CADPS2: variants seen among roughly 807,000 people sequenced by gnomAD.
The protein encoded by CADPS2 is calcium dependent secretion activator 2.
Under a neutral mutation model 172.5 loss-of-function variants are expected in CADPS2, and 93 were observed. That is an observed-to-expected ratio of 0.54 (90% CI 0.46 to 0.64). The LOEUF is 0.64. Ranked by LOEUF, CADPS2 falls within the 30% of genes least tolerant of loss-of-function variation. The pLI, the probability that CADPS2 is intolerant of heterozygous loss-of-function variation, is 0.00. For missense variants in CADPS2, 1,420 were observed against 1,565.9 expected, an observed-to-expected ratio of 0.91 and a Z score of 1.57; for synonymous variants, 546 against 555.2, an observed-to-expected ratio of 0.98 and a Z score of 0.23.
chr7:122,518,001 A>T (rs1200862451), intron 8 of CADPS2, among the ~76,000 whole-genome samples: 1 of 151,576 alleles, frequency 6.6e-6, no homozygotes, highest in Non-Finnish European at 1.5e-5. Context: ...TGTTGTTATG[A>T]TTTTTTTTAT....
At chr7:122,352,312 G>A (rs2038791176) in intron 27 of CADPS2, among the ~76,000 whole-genome samples, 1 of 152,146 alleles carries the variant, frequency 6.6e-6, no homozygotes. Flanking sequence ...AATACTACAT[G>A]AGGACTTGAA....
chr7:122,483,296 TAGC>T (rs764548387), intron 11 of CADPS2, among the ~76,000 whole-genome samples: 47 of 152,168 alleles, frequency 3.1e-4, no homozygotes, highest in Non-Finnish European at 5.6e-4. Context: ...AAAACCAAAA[TAGC>T]AGCACATTTC....
chr7:122,530,723 TTC>T (rs2061683964), intron 8 of CADPS2, among the ~76,000 whole-genome samples: 1 of 152,206 alleles, frequency 6.6e-6, no homozygotes, highest in African/African-American at 2.4e-5. Flanking sequence ...TATTTATACT[TTC>T]TGACTTTGCT....
At chr7:122,730,620 G>C (rs2091546483) in intron 2 of CADPS2, among the ~76,000 whole-genome samples, 1 of 151,594 alleles carries the variant, frequency 6.6e-6, no homozygotes, top group African/African-American at 2.4e-5. Flanking sequence ...TGATATTAAA[G>C]TATGCTAATG....
At chr7:122,820,545 TTTTGTTTTTTG>T (rs1802872921) in intron 1 of CADPS2, among the ~76,000 whole-genome samples, 3 of 130,578 alleles carry the variant, frequency 2.3e-5, no homozygotes, top group African/African-American at 9.8e-5. Context: ...CCTTACTGTT[TTTTGTTTTTTG>T]TTTTTTTTTT....
intron 2 of CADPS2, among the ~76,000 whole-genome samples, chr7:122,722,153 A>G (rs1349251325): frequency 6.6e-6 from 1 of 152,060 alleles, no homozygotes; most frequent in Non-Finnish European, 1.5e-5. Flanking sequence ...GCCCTCTCTC[A>G]CCACTCCTAT....
chr7:122,409,057 T>C (rs1030992298), intron 19 of CADPS2, among the ~76,000 whole-genome samples: 2 of 152,216 alleles, frequency 1.3e-5, no homozygotes, highest in Admixed American at 1.3e-4. Context: ...ATGGTATGCA[T>C]GATGAAAATT....
At chr7:122,634,371 T>C (rs2076856468) in intron 3 of CADPS2, among the ~76,000 whole-genome samples, 1 of 152,168 alleles carries the variant, frequency 6.6e-6, no homozygotes, top group African/African-American at 2.4e-5. Context: ...TCTGTTCAGG[T>C]TTTCACTTCC....
At chr7:122,749,485 T>C (rs1282389322) in intron 1 of CADPS2, among the ~76,000 whole-genome samples, 2 of 152,078 alleles carry the variant, frequency 1.3e-5, no homozygotes, top group African/African-American at 2.4e-5. Flanking sequence ...AATAGCTAAC[T>C]TGACATTTCC....
At chr7:122,585,935 A>G (rs1404728969) in intron 6 of CADPS2, among the ~76,000 whole-genome samples, 20 of 151,984 alleles carry the variant, frequency 1.3e-4, no homozygotes, top group Admixed American at 1.3e-3. Flanking sequence ...CTAAGGACTT[A>G]TCCTATCAAA....
chr7:122,609,141 T>C (rs962515493), intron 6 of CADPS2, among the ~76,000 whole-genome samples: 1 of 152,158 alleles, frequency 6.6e-6, no homozygotes, highest in Non-Finnish European at 1.5e-5. Context: ...TCACCTTCCA[T>C]AGGGTATTAC....
intron 1 of CADPS2, among the ~76,000 whole-genome samples, chr7:122,817,837 T>A: frequency 6.6e-6 from 1 of 150,728 alleles, no homozygotes; most frequent in South Asian, 2.1e-4. Context: ...CTCTTATATC[T>A]CTGCACCCCA....
In CADPS2 at chr7:122,840,199, T is replaced by C. The variant is rs1004990890; in HGVS notation, c.339+45800A>G. Among the ~76,000 whole-genome samples, 7 of 152,228 alleles carry C rather than the reference T, an allele frequency of 4.6e-5. No homozygotes were observed. In the South Asian group the frequency reaches 1.5e-3, roughly 32 times the overall value. ...CAAGGACAGAAAACCAAATACCGCATGTTCTCACTCATAGGTGGGAATTGA... is the reference window on the plus strand; with the variant it reads ...CAAGGACAGAAAACCAAATACCGCACGTTCTCACTCATAGGTGGGAATTGA... On this transcript the variant is annotated intron_variant, in intron 1 of 29. Transcript: ENST00000449022.
At chr7:122,609,836 C>G (rs2074068312) in intron 6 of CADPS2, among the ~76,000 whole-genome samples, 1 of 152,150 alleles carries the variant, frequency 6.6e-6, no homozygotes, top group Non-Finnish European at 1.5e-5. Context: ...AAAGCACAAA[C>G]TGTTGAAGCA....
chr7:122,466,550 T>G (rs1405541452), intron 14 of CADPS2, among the ~76,000 whole-genome samples: 1 of 152,210 alleles, frequency 6.6e-6, no homozygotes, highest in Non-Finnish European at 1.5e-5. Flanking sequence ...TTCTCCTGAT[T>G]GAAACCTGTT....
rs1586516499 is a variant in CADPS2 at position 122,483,739 on chromosome 7, A to G, written c.1853-2879T>C. Among the ~76,000 whole-genome samples, 5 of 152,284 alleles carry G rather than the reference A, an allele frequency of 3.3e-5. 1 individual carries two copies. Among genetic ancestry groups the G allele is most frequent in the Admixed American group, 3.3e-4 (5 of 15,294 alleles). On this transcript the variant is annotated intron_variant, in intron 11 of 29. Transcript: ENST00000449022. ...AAGAGAGGAGAAATAGAAGTTTACT[A>G]TTGTAAAGTGTGCATACTATACATG...
At chr7:122,778,615 C>T (rs192881761) in intron 1 of CADPS2, among the ~76,000 whole-genome samples, 5 of 152,310 alleles carry the variant, frequency 3.3e-5, no homozygotes, top group East Asian at 3.9e-4. Flanking sequence ...GGACTTGGTG[C>T]CCTGTGTCCC....
At chr7:122,645,306 T>C (rs1394201372) in intron 3 of CADPS2, among the ~76,000 whole-genome samples, 4 of 135,040 alleles carry the variant, frequency 3.0e-5, no homozygotes, top group Admixed American at 7.5e-5. Flanking sequence ...TACACATATG[T>C]ACATGTGTGT....
At chr7:122,402,524 C>A (rs935680634) in intron 20 of CADPS2, among the ~76,000 whole-genome samples, 9 of 152,106 alleles carry the variant, frequency 5.9e-5, no homozygotes. Context: ...TCGAAGCATA[C>A]AAATTTTAAT....
Sources: gnomAD v4.1 joint callset for allele counts (sites outside exome capture counted in the v4.1 genomes callset) on GRCh38, gnomAD v4.1.1 for gene constraint, MANE v1.5 for transcripts, NCBI Gene and HGNC (gene_info 2026-07-23, HGNC 2026-07-21) for gene names.